Variants in MAF observed in about 807,000 individuals in gnomAD.
The protein encoded by MAF is transcription factor Maf.
Under a neutral mutation model 22.0 loss-of-function variants are expected in MAF, and 10 were observed. The observed-to-expected ratio is 0.45, with a 90% CI of 0.28 to 0.77. MAF has a LOEUF of 0.77. Among genes scored for constraint, MAF ranks in the 30% least tolerant of loss-of-function variants. MAF has a pLI of 0.12. For synonymous variants in MAF, 337 were observed against 255.8 expected (o/e 1.32, Z -3.03); for missense variants, 544 against 548.4 (o/e 0.99, Z 0.08).
chr16:79,362,519 T>C, the MAF span, among the ~76,000 whole-genome samples: 1 of 152,208 alleles, frequency 6.6e-6, no homozygotes, highest in Non-Finnish European at 1.5e-5. Context: ...AGTTATTTAT[T>C]AGTCACCATT....
At chr16:79,453,959 TTAA>T in the MAF span, among the ~76,000 whole-genome samples, 30 of 152,126 alleles carry the variant, frequency 2.0e-4, no homozygotes, top group South Asian at 4.1e-4. Context: ...TGGATTATTA[TTAA>T]TAATAATAAT....
At chr16:79,339,649 A>C in the MAF span, among the ~76,000 whole-genome samples, 3,642 of 152,320 alleles carry the variant, frequency 0.024, 146 homozygotes, top group African/African-American at 0.084. Context: ...ATAGTGTGTA[A>C]AAAATAACAA....
chr16:79,262,537 C>G, the MAF span, among the ~76,000 whole-genome samples: 1 of 152,112 alleles, frequency 6.6e-6, no homozygotes, highest in African/African-American at 2.4e-5. Flanking sequence ...GGGAAGGGAG[C>G]TCCAGCAGAG....
chr16:79,524,218 A>G, the MAF span, among the ~76,000 whole-genome samples: 6 of 152,274 alleles, frequency 3.9e-5, no homozygotes, highest in South Asian at 1.2e-3. Context: ...CTGGAAAGAG[A>G]TCTAAACGAC....
At chr16:79,395,570 G>C in the MAF span, among the ~76,000 whole-genome samples, 19 of 152,198 alleles carry the variant, frequency 1.2e-4, no homozygotes, top group East Asian at 3.7e-3. Flanking sequence ...TATGACGGGG[G>C]GCAGAGGTTG....
At chr16:79,449,314 G>A in the MAF span, among the ~76,000 whole-genome samples, 5 of 152,202 alleles carry the variant, frequency 3.3e-5, no homozygotes, top group African/African-American at 1.2e-4. Flanking sequence ...ACTGGTCTGT[G>A]GCCCGAAGGT....
chr16:79,364,969 A>T, the MAF span, among the ~76,000 whole-genome samples: 2 of 152,230 alleles, frequency 1.3e-5, no homozygotes, highest in African/African-American at 2.4e-5. Flanking sequence ...GCACCACTGA[A>T]GGAGTGGGAA....
chr16:79,319,970 T>C, the MAF span, among the ~76,000 whole-genome samples: 1 of 152,324 alleles, frequency 6.6e-6, no homozygotes, highest in African/African-American at 2.4e-5. Context: ...ATTTAAAATA[T>C]GCAGCTCTTA....
the MAF span, among the ~76,000 whole-genome samples, chr16:79,256,438 C>G: frequency 6.6e-6 from 1 of 152,110 alleles, no homozygotes; most frequent in Non-Finnish European, 1.5e-5. Context: ...GGGTTCGTAC[C>G]TAATGGCACA....
chr16:79,391,377 C>T, the MAF span, among the ~76,000 whole-genome samples: 81 of 152,000 alleles, frequency 5.3e-4, no homozygotes, highest in African/African-American at 1.8e-3. Context: ...TGCAAAGAGC[C>T]GAGTTATGAG....
the MAF span, among the ~76,000 whole-genome samples, chr16:79,340,062 G>C: frequency 6.6e-6 from 1 of 152,188 alleles, no homozygotes; most frequent in African/African-American, 2.4e-5. Flanking sequence ...TGTCACTAAA[G>C]TGCCTGTTCA....
the MAF span, among the ~76,000 whole-genome samples, chr16:79,498,689 G>T: frequency 2.0e-5 from 3 of 152,220 alleles, no homozygotes; most frequent in East Asian, 5.8e-4. Context: ...TGCCTGGTTA[G>T]TGGAAGAGCT....
At chr16:79,367,448 C>A in the MAF span, among the ~76,000 whole-genome samples, 1 of 152,184 alleles carries the variant, frequency 6.6e-6, no homozygotes, top group Non-Finnish European at 1.5e-5. Context: ...GCAGTCAGAA[C>A]AAATTCACTG....
the MAF span, among the ~76,000 whole-genome samples, chr16:79,569,224 T>C: frequency 6.6e-6 from 1 of 152,192 alleles, no homozygotes; most frequent in African/African-American, 2.4e-5. Flanking sequence ...CCCTGTGCAT[T>C]GTAGAATGTT....
At chr16:79,323,629 T>C in the MAF span, among the ~76,000 whole-genome samples, 1 of 152,150 alleles carries the variant, frequency 6.6e-6, no homozygotes, top group African/African-American at 2.4e-5. Context: ...GATGGGACCG[T>C]ACCTTGCGGC....
downstream of MAF, among the ~76,000 whole-genome samples, chr16:79,583,085 G>A (rs1301948342): frequency 6.6e-6 from 1 of 152,154 alleles, no homozygotes; most frequent in African/African-American, 2.4e-5. Flanking sequence ...GAAAGAAGTA[G>A]CTATACACGT....
chr16:79,301,269 C>G, the MAF span, among the ~76,000 whole-genome samples: 1 of 152,152 alleles, frequency 6.6e-6, no homozygotes, highest in East Asian at 1.9e-4. Context: ...TGAATGCCCG[C>G]TAGCCTGCTG....
chr16:79,261,520 T>G, the MAF span, among the ~76,000 whole-genome samples: 1 of 152,326 alleles, frequency 6.6e-6, no homozygotes, highest in African/African-American at 2.4e-5. Flanking sequence ...TTAACAAATT[T>G]GTGGATGAAT....
At chr16:79,353,850 G>A in the MAF span, among the ~76,000 whole-genome samples, 1 of 152,166 alleles carries the variant, frequency 6.6e-6, no homozygotes, top group Non-Finnish European at 1.5e-5. Context: ...GGATGGGAAT[G>A]ATCATCGTTA....
Sources: gnomAD v4.1 joint callset for allele counts (sites outside exome capture counted in the v4.1 genomes callset) on GRCh38, gnomAD v4.1.1 for gene constraint, MANE v1.5 for transcripts, NCBI Gene and HGNC (gene_info 2026-07-23, HGNC 2026-07-21) for gene names.